RFX3: variants seen among roughly 807,000 people sequenced by gnomAD.
The protein encoded by RFX3 is regulatory factor X3.
Under a neutral mutation model 98.6 loss-of-function variants are expected in RFX3, and 14 were observed. That is an observed-to-expected ratio of 0.14 (90% confidence interval 0.09 to 0.22). The LOEUF is 0.22. Ranked by LOEUF, RFX3 falls within the 10% of genes least tolerant of loss-of-function variation. The probability of loss-of-function intolerance (pLI) is 1.00; values close to 1 mark genes in which losing one functional copy is unlikely to be tolerated. For missense variants in RFX3, 639 were observed against 926.9 expected (o/e 0.69, Z 4.03); for synonymous variants, 383 against 328.4 (o/e 1.17, Z -1.80).
intron 1 of RFX3, among the ~76,000 whole-genome samples, chr9:3,464,399 T>C (rs1290097791): frequency 6.6e-6 from 1 of 152,120 alleles, no homozygotes; most frequent in African/African-American, 2.4e-5. Flanking sequence ...TTCCATCAAA[T>C]AGTTATCAGA....
intron 1 of RFX3, among the ~76,000 whole-genome samples, chr9:3,513,408 T>G (rs1168284810): frequency 6.6e-6 from 1 of 152,172 alleles, no homozygotes; most frequent in Non-Finnish European, 1.5e-5. Flanking sequence ...TATATGATCC[T>G]GCACTTCATT....
intron 4 of RFX3, chr9:3,324,234 A>G (rs1328779222): frequency 4.8e-6 from 1 of 208,184 alleles, no homozygotes; most frequent in Non-Finnish European, 1.1e-5. Flanking sequence ...TATTTTAAAT[A>G]GAAATTACTG....
intron 4 of RFX3, among the ~76,000 whole-genome samples, chr9:3,313,597 C>A (rs776032052): frequency 6.6e-6 from 1 of 152,122 alleles, no homozygotes; most frequent in African/African-American, 2.4e-5. Context: ...GATGTTCGAA[C>A]CCATCACAAA....
At chr9:3,375,788 G>A (rs186254279) in intron 2 of RFX3, among the ~76,000 whole-genome samples, 103 of 152,000 alleles carry the variant, frequency 6.8e-4, no homozygotes, top group African/African-American at 2.2e-3. Context: ...GTGAAACCCC[G>A]CCTCTACTAA....
chr9:3,433,295 C>T (rs1479469351), intron 1 of RFX3, among the ~76,000 whole-genome samples: 1 of 152,130 alleles, frequency 6.6e-6, no homozygotes, highest in East Asian at 1.9e-4. Flanking sequence ...CATGACCAAC[C>T]CCTACTCTTC....
intron 4 of RFX3, among the ~76,000 whole-genome samples, chr9:3,329,431 A>AAAAAC (rs1563935321): frequency 2.0e-5 from 3 of 150,408 alleles, no homozygotes; most frequent in African/African-American, 7.4e-5. Flanking sequence ...AAAAAAAACA[A>AAAAAC]AAAACCACCA....
intron 1 of RFX3, among the ~76,000 whole-genome samples, chr9:3,455,978 C>G (rs1231460635): frequency 1.3e-5 from 2 of 152,184 alleles, no homozygotes; most frequent in African/African-American, 4.8e-5. Context: ...CAATCCTTGG[C>G]TGGAAGTCAA....
chr9:3,492,087 GA>G (rs1850764589), intron 1 of RFX3, among the ~76,000 whole-genome samples: 1 of 151,984 alleles, frequency 6.6e-6, no homozygotes, highest in Non-Finnish European at 1.5e-5. Flanking sequence ...AAAATTTATT[GA>G]ATCAGTACTA....
chr9:3,377,256 A>G (rs954697070), intron 2 of RFX3, among the ~76,000 whole-genome samples: 1 of 152,222 alleles, frequency 6.6e-6, no homozygotes, highest in African/African-American at 2.4e-5. Flanking sequence ...ATGGAATACC[A>G]TGCAGCCATA....
rs994832171 is a variant in RFX3, at chr9:3,262,162, G to A, written c.1605+773C>T. Reference sequence around the variant, plus strand: ...TAAATTTTGATTACGTACAGTTTATGTATTTTTCCTCTTGTTGCTTATGCT... The same window carrying A: ...TAAATTTTGATTACGTACAGTTTATATATTTTTCCTCTTGTTGCTTATGCT... On this transcript the variant is annotated intron_variant, in intron 13 of 16. Coordinates refer to ENST00000617270, the MANE Select transcript of RFX3 (RefSeq NM_001282116.2). 8.6e-5 allele frequency among the ~76,000 whole-genome samples: 13 copies of A among 151,928 alleles called. 1 individual carries two copies. The highest frequency in any genetic ancestry group is 6.6e-4 in the Admixed American group (10 of 15,230).
chr9:3,287,682 T>C (rs976931576), intron 7 of RFX3, among the ~76,000 whole-genome samples: 1 of 151,986 alleles, frequency 6.6e-6, no homozygotes, highest in Non-Finnish European at 1.5e-5. Context: ...ACAACTCTAA[T>C]ATCAGCAATT....
intron 2 of RFX3, among the ~76,000 whole-genome samples, chr9:3,387,861 G>A (rs927179086): frequency 6.6e-6 from 1 of 151,966 alleles, no homozygotes; most frequent in Non-Finnish European, 1.5e-5. Flanking sequence ...ATCAATGCTA[G>A]GATTCACAGA....
At chr9:3,229,312 G>A (rs535137995) in intron 15 of RFX3, among the ~76,000 whole-genome samples, 1 of 152,320 alleles carries the variant, frequency 6.6e-6, no homozygotes, top group African/African-American at 2.4e-5. Flanking sequence ...CTACATTAGA[G>A]AAACAATATC....
At chr9:3,321,643 T>C (rs1831333463) in intron 4 of RFX3, among the ~76,000 whole-genome samples, 1 of 152,218 alleles carries the variant, frequency 6.6e-6, no homozygotes, top group African/African-American at 2.4e-5. Flanking sequence ...GCCAGTTTGT[T>C]GTTTCACCAT....
chr9:3,360,085 C>T (rs966064516), intron 2 of RFX3, among the ~76,000 whole-genome samples: 4 of 152,018 alleles, frequency 2.6e-5, no homozygotes, highest in Non-Finnish European at 5.9e-5. Context: ...ATTTTATTTT[C>T]TACCCATCTT....
At chr9:3,489,489 G>A in intron 1 of RFX3, 1 of 871,600 alleles carries the variant, frequency 1.1e-6, no homozygotes, top group African/African-American at 1.8e-5. Flanking sequence ...TAGTAGAGTA[G>A]GGGAATTATG....
intron 2 of RFX3, among the ~76,000 whole-genome samples, chr9:3,357,433 T>C (rs2131333820): frequency 6.6e-6 from 1 of 152,130 alleles, no homozygotes; most frequent in African/African-American, 2.4e-5. Context: ...AATATTTTTA[T>C]TTTTGCAGTT....
intron 2 of RFX3, among the ~76,000 whole-genome samples, chr9:3,383,463 G>C (rs1298722758): frequency 4.0e-5 from 6 of 151,650 alleles, no homozygotes; most frequent in Non-Finnish European, 5.9e-5. Flanking sequence ...AGTTTATCTT[G>C]TTTAATTCAT....
intron 1 of RFX3, among the ~76,000 whole-genome samples, chr9:3,423,192 T>C (rs140428177): frequency 3.4e-4 from 52 of 152,266 alleles, no homozygotes; most frequent in South Asian, 6.2e-4. Context: ...AAGGAAGGAA[T>C]GTTTTCAAAC....
Sources: gnomAD v4.1 joint callset for allele counts (sites outside exome capture counted in the v4.1 genomes callset) on GRCh38, gnomAD v4.1.1 for gene constraint, MANE v1.5 for transcripts, NCBI Gene and HGNC (gene_info 2026-07-23, HGNC 2026-07-21) for gene names.